The following RIMBP2 variants were observed in gnomAD, a reference collection of about 807,000 sequenced individuals.
The protein encoded by RIMBP2 is RIMS binding protein 2.
In RIMBP2, 48 loss-of-function variants were observed where a neutral mutation model predicts 118.6. That is an observed-to-expected ratio of 0.40 (90% confidence interval 0.32 to 0.51). The LOEUF (loss-of-function observed/expected upper bound fraction) is 0.51, where lower values mean the gene tolerates loss of function less well. Among genes scored for constraint, RIMBP2 ranks in the 20% least tolerant of loss-of-function variants. The probability of loss-of-function intolerance (pLI) is 0.41; values close to 1 mark genes in which losing one functional copy is unlikely to be tolerated. For missense variants in RIMBP2, 1,551 were observed against 1,768.3 expected, an observed-to-expected ratio of 0.88 and a Z score of 2.20; for synonymous variants, 762 against 742.9, an observed-to-expected ratio of 1.03 and a Z score of -0.42.
chr12:130,654,730 A>T (rs2063353833), intron 1 of RIMBP2, among the ~76,000 whole-genome samples: 1 of 152,234 alleles, frequency 6.6e-6, no homozygotes, highest in Non-Finnish European at 1.5e-5. Flanking sequence ...TAAGGAAAAC[A>T]GACTTGATTG....
chr12:130,637,492 G>A (rs2062404706), intron 1 of RIMBP2, among the ~76,000 whole-genome samples: 1 of 152,216 alleles, frequency 6.6e-6, no homozygotes, highest in African/African-American at 2.4e-5. Context: ...TCAAGAAGCA[G>A]CCCCCATTAA....
chr12:130,496,559 T>C (rs893683718), intron 4 of RIMBP2, among the ~76,000 whole-genome samples: 1 of 152,110 alleles, frequency 6.6e-6, no homozygotes, highest in Non-Finnish European at 1.5e-5. Context: ...GGAGGGATGC[T>C]TCTGTCCACG....
chr12:130,689,247 A>T (rs1402991643), intron 1 of RIMBP2, among the ~76,000 whole-genome samples: 2 of 152,038 alleles, frequency 1.3e-5, no homozygotes, highest in Non-Finnish European at 2.9e-5. Context: ...AGCCTGGCCG[A>T]TGTGGCGAAA....
At chr12:130,526,467 C>A (rs1593653775) in intron 2 of RIMBP2, among the ~76,000 whole-genome samples, 2 of 152,314 alleles carry the variant, frequency 1.3e-5, no homozygotes, top group Admixed American at 6.5e-5. Context: ...TTCCAGCCAA[C>A]TGTACAAAGG....
Position 130,576,012 on chromosome 12 carries a change from A to G in RIMBP2, c.-217+52310T>C, listed in dbSNP as rs886227785. Among the ~76,000 whole-genome samples the G allele has an allele frequency of 6.6e-6, 1 of 152,072 alleles. No individual in the cohort carries two copies. Among genetic ancestry groups the G allele is most frequent in the African/African-American group, 2.4e-5 (1 of 41,386 alleles). ...GGGAGTGAGCTGGGTGGCTCTTTGC[A>G]GTGAGGAGGAGCATGGTGGACAGAA... is the stretch of plus-strand genomic sequence containing the variant. On this transcript the variant is annotated intron_variant, in intron 2 of 22. Coordinates refer to ENST00000690449, the MANE Select transcript of RIMBP2 (RefSeq NM_001393629.1). The surrounding 1 kb of genome is among the most constrained non-coding windows in gnomAD (Gnocchi z 4.2).
chr12:130,464,283 TG>T (rs538836038), intron 6 of RIMBP2, among the ~76,000 whole-genome samples: 50 of 152,372 alleles, frequency 3.3e-4, no homozygotes, highest in Non-Finnish European at 4.7e-4. Flanking sequence ...TCTTGGGGTC[TG>T]GATCGAGGCT....
intron 2 of RIMBP2, among the ~76,000 whole-genome samples, chr12:130,546,630 G>T (rs1023986598): frequency 1.3e-5 from 2 of 152,210 alleles, no homozygotes; most frequent in East Asian, 1.9e-4. Context: ...TCAAAGATTA[G>T]AAAATATGAT....
chr12:130,543,708 C>A (rs1463920135), intron 2 of RIMBP2, among the ~76,000 whole-genome samples: 1 of 151,856 alleles, frequency 6.6e-6, no homozygotes, highest in Non-Finnish European at 1.5e-5. Context: ...CACAATGACA[C>A]CACATGAATT....
At chr12:130,701,340 G>A (rs1457680975) in intron 1 of RIMBP2, among the ~76,000 whole-genome samples, 3 of 152,204 alleles carry the variant, frequency 2.0e-5, no homozygotes, top group African/African-American at 7.2e-5. Flanking sequence ...ACCAGCAGGT[G>A]TTGTGGTTGG....
At position 130,578,690 on chromosome 12, in the gene RIMBP2, C is replaced by T. The variant is rs906275479; in HGVS notation, c.-217+49632G>A. On this transcript the variant is annotated intron_variant, in intron 2 of 22. Transcript: ENST00000690449. This position sits in a 1 kb window ranked among gnomAD's most constrained non-coding sequence, Gnocchi z 4.1. ...TGCCCCCTTCTCAGAGACTTCCCCT[C>T]GCTACCCAACGACCGAGTCCCTCAC... is the stretch of plus-strand genomic sequence containing the variant. 2.6e-5 allele frequency among the ~76,000 whole-genome samples: 4 copies of T among 152,214 alleles called. No individual in the cohort carries two copies. Among genetic ancestry groups the T allele is most frequent in the Admixed American group, 2.6e-4 (4 of 15,288 alleles).
intron 1 of RIMBP2, among the ~76,000 whole-genome samples, chr12:130,661,324 C>A (rs12582098): frequency 0.013 from 1,999 of 152,262 alleles, 28 homozygotes; most frequent in East Asian, 0.061. Context: ...TGGCTCAGGG[C>A]TAGACAGGTG....
At chr12:130,706,109 G>A (rs532761611) in intron 1 of RIMBP2, among the ~76,000 whole-genome samples, 6 of 152,300 alleles carry the variant, frequency 3.9e-5, no homozygotes, top group South Asian at 4.1e-4. Context: ...ATAATAGCAG[G>A]AATCGTAATA....
intron 4 of RIMBP2, among the ~76,000 whole-genome samples, chr12:130,496,908 C>T (rs1016378701): frequency 3.9e-5 from 6 of 152,162 alleles, no homozygotes; most frequent in African/African-American, 1.4e-4. Flanking sequence ...GATGTGTATA[C>T]ACTGGGGGCT....
Position 130,469,429 on chromosome 12 carries a change from C to T in RIMBP2, c.153+1264G>A, listed in dbSNP as rs192327716. 1.7e-3 allele frequency among the ~76,000 whole-genome samples: 266 copies of T among 152,240 alleles called. No homozygotes were observed. The highest frequency in any genetic ancestry group is 1.6e-3 in the Non-Finnish European group (109 of 68,016). ...GGGGCAACTGGGGAGAGGCAACTACCTTTTCTGCCAGGAGACGATGCAAAT... is the reference window on the plus strand; with the variant it reads ...GGGGCAACTGGGGAGAGGCAACTACTTTTTCTGCCAGGAGACGATGCAAAT... On this transcript the variant is annotated intron_variant, in intron 6 of 22. Coordinates refer to ENST00000690449, the MANE Select transcript of RIMBP2 (RefSeq NM_001393629.1). This position sits in a 1 kb window ranked among gnomAD's most constrained non-coding sequence, Gnocchi z 4.8.
At position 130,450,379 on chromosome 12, in the gene RIMBP2, A is replaced by AG; in HGVS notation, c.505-104dup. 1.2e-6 allele frequency: 1 copy of AG among 833,476 alleles called. No homozygotes were observed. The highest frequency in any genetic ancestry group is 2.0e-6 in the Non-Finnish European group (1 of 497,400). The allele number at this position is 833,476 out of a possible 1,614,324, so 51.6% of individuals were successfully genotyped here. On this transcript the variant is annotated intron_variant, in intron 8 of 22. Coordinates refer to ENST00000690449, the MANE Select transcript of RIMBP2 (RefSeq NM_001393629.1). The surrounding 1 kb of genome is among the most constrained non-coding windows in gnomAD (Gnocchi z 4.8). Reference sequence around the variant, plus strand: ...CCCTCGCAGCTTCCTGGGCCCCAGGAGGGACGGCCTGAGACTGTGGCACTC... The same window carrying AG: ...CCCTCGCAGCTTCCTGGGCCCCAGGAGGGGACGGCCTGAGACTGTGGCACTC...
intron 1 of RIMBP2, among the ~76,000 whole-genome samples, chr12:130,713,297 A>AACCTTTGCACACAAGGGTGGTGGC (rs1950097411): frequency 7.2e-6 from 1 of 139,108 alleles, no homozygotes; most frequent in Non-Finnish European, 1.5e-5. Context: ...GGTTCAGTGA[A>AACCTTTGCACACAAGGGTGGTGGC]ACCTTTGCAC....
In RIMBP2 at chr12:130,664,402, C is replaced by T. The variant is rs1445954928; in HGVS notation, c.-351-35946G>A. On this transcript the variant is annotated intron_variant, in intron 1 of 22. Coordinates refer to ENST00000690449, the MANE Select transcript of RIMBP2 (RefSeq NM_001393629.1). ...ACGCACGCGCATGCACACACACGCA[C>T]GCACGCACGCACACACACGCACACA... 6.8e-3 allele frequency among the ~76,000 whole-genome samples: 580 copies of T among 85,746 alleles called. 16 individuals carry two copies. Among genetic ancestry groups the T allele is most frequent in the Admixed American group, 0.014 (135 of 9,316 alleles). 56.3% of individuals were successfully genotyped at this position (85,746 alleles called of 152,430 possible).
At position 130,472,631 on chromosome 12, in the gene RIMBP2, T is replaced by C. The variant is rs192941343; in HGVS notation, c.103-1888A>G. Among the ~76,000 whole-genome samples the C allele has an allele frequency of 3.5e-4, 53 of 152,322 alleles. 1 individual carries two copies. The East Asian group carries it at 8.9e-3, about 26-fold the overall frequency. On this transcript the variant is annotated intron_variant, in intron 5 of 22. Transcript: ENST00000690449. ...ATAATTAGTGATGGACGATTCAACA[T>C]CATAAATAAGCAAGTGAACATTATC... is the stretch of plus-strand genomic sequence containing the variant.
At chr12:130,594,863 T>C (rs902369378) in intron 2 of RIMBP2, among the ~76,000 whole-genome samples, 1 of 152,200 alleles carries the variant, frequency 6.6e-6, no homozygotes, top group African/African-American at 2.4e-5. Context: ...CCATCTCAAT[T>C]TGGGGTGGGA....
Sources: gnomAD v4.1 joint callset for allele counts (sites outside exome capture counted in the v4.1 genomes callset) on GRCh38, gnomAD v4.1.1 for gene constraint, Gnocchi (gnomAD v3.1) non-coding constraint, MANE v1.5 for transcripts, NCBI Gene and HGNC (gene_info 2026-07-23, HGNC 2026-07-21) for gene names.